Variants in ELSPBP1 observed in about 807,000 individuals in gnomAD.
The protein encoded by ELSPBP1 is epididymal sperm binding protein 1.
Under a neutral mutation model 33.3 loss-of-function variants are expected in ELSPBP1, and 38 were observed. The ratio of observed to expected loss-of-function variants is 1.14; its 90% CI spans 0.88 to 1.50. ELSPBP1 has a LOEUF of 1.50. Among genes scored for constraint, ELSPBP1 ranks in the 40% most tolerant of loss-of-function variants. ELSPBP1 has a pLI of 0.00. For synonymous variants in ELSPBP1, 85 were observed against 94.1 expected, an observed-to-expected ratio of 0.90 and a Z score of 0.56; for missense variants, 267 against 263.5, an observed-to-expected ratio of 1.01 and a Z score of -0.09.
At chr19:48,002,662 C>T (rs11665714) in intron 1 of ELSPBP1, among the ~76,000 whole-genome samples, 30,083 of 152,110 alleles carry the variant, frequency 0.2, 3,256 homozygotes, top group Middle Eastern at 0.24. Context: ...CGTGATGGCT[C>T]GTGCCTGTAA....
At chr19:48,002,455 G>A (rs1203993882) in intron 1 of ELSPBP1, among the ~76,000 whole-genome samples, 1 of 152,130 alleles carries the variant, frequency 6.6e-6, no homozygotes, top group East Asian at 1.9e-4. Flanking sequence ...AGAGGAGGTG[G>A]CAAAATTTGT....
At chr19:48,023,863 C>A (rs528953940) in intron 6 of ELSPBP1, among the ~76,000 whole-genome samples, 4 of 147,076 alleles carry the variant, frequency 2.7e-5, no homozygotes, top group Admixed American at 6.8e-5. Context: ...TTTTCTTTTT[C>A]TTTATTTTAT....
In ELSPBP1 at chr19:48,014,194, C is replaced by T; in HGVS notation, c.94C>T (p.Pro32Ser). The T allele has an allele frequency of 6.2e-7, 1 of 1,613,846 alleles. No homozygotes were observed. Among genetic ancestry groups the T allele is most frequent in the African/African-American group, 1.3e-5 (1 of 75,012 alleles). Reference protein sequence around the residue: ...SGGMHEECVFPFTYKGSVYFT... With the variant: ...SGGMHEECVFSFTYKGSVYFT... ...AGGGATGCATGAGGAATGTGTCTTTCCTTTCACCTACAAGGGATCTGTTTA... is the reference window on the plus strand; with the variant it reads ...AGGGATGCATGAGGAATGTGTCTTTTCTTTCACCTACAAGGGATCTGTTTA... Residue 32 changes from proline to serine, a missense_variant, in exon 3 of 7, where the codon CCT (proline) becomes TCT (serine). Transcript: ENST00000339841.
In ELSPBP1 at chr19:48,013,024, A is replaced by G. The variant is rs935068675; in HGVS notation, c.71-1147A>G. Reference sequence around the variant, plus strand: ...TTGTTAAAATGGGAGATTATTAAGTATTAGAGATGCAGTAGAGAAATACTA... The same window carrying G: ...TTGTTAAAATGGGAGATTATTAAGTGTTAGAGATGCAGTAGAGAAATACTA... On this transcript the variant is annotated intron_variant, in intron 2 of 6. Transcript: ENST00000339841. Among the ~76,000 whole-genome samples the G allele has an allele frequency of 2.6e-5, 4 of 152,076 alleles. No homozygotes were observed. In the East Asian group the frequency reaches 7.7e-4, roughly 29 times the overall value.
chr19:48,008,070 A>G (rs1260018941), intron 1 of ELSPBP1, among the ~76,000 whole-genome samples: 1 of 152,160 alleles, frequency 6.6e-6, no homozygotes, highest in Non-Finnish European at 1.5e-5. Flanking sequence ...AGCATCATAG[A>G]GTGTACTCAC....
intron 4 of ELSPBP1, among the ~76,000 whole-genome samples, chr19:48,016,568 C>CTTCCTTCT (rs1568407572): frequency 2.0e-5 from 1 of 50,602 alleles, no homozygotes; most frequent in Non-Finnish European, 4.4e-5. Context: ...TCCTTCCTTC[C>CTTCCTTCT]TCCCTTCATC....
chr19:48,016,869 G>T (rs371935306), intron 4 of ELSPBP1, among the ~76,000 whole-genome samples: 2 of 152,218 alleles, frequency 1.3e-5, no homozygotes, highest in African/African-American at 4.8e-5. Flanking sequence ...AAAATGCTAG[G>T]ATTACAGGCA....
chr19:48,019,223 G>A (rs73567214), intron 4 of ELSPBP1, among the ~76,000 whole-genome samples: 14,237 of 152,104 alleles, frequency 0.094, 830 homozygotes, highest in African/African-American at 0.17. Flanking sequence ...TTGGAGTCTC[G>A]TCTAAGGTGG....
Position 48,016,920 on chromosome 19 carries a change from C to G in ELSPBP1, c.355+881C>G, listed in dbSNP as rs895086184. Among the ~76,000 whole-genome samples, 28 of 152,108 alleles carry G rather than the reference C, an allele frequency of 1.8e-4. 1 individual carries two copies. The highest frequency in any genetic ancestry group is 1.6e-3 in the Admixed American group (25 of 15,264). On this transcript the variant is annotated intron_variant, in intron 4 of 6. Transcript: ENST00000339841. ...GGCCCTGACCTGCATTTCAATGCAGCCTAACATCATATTAAGTCTACACAT... is the reference window on the plus strand; with the variant it reads ...GGCCCTGACCTGCATTTCAATGCAGGCTAACATCATATTAAGTCTACACAT...
At chr19:48,000,215 G>GC (rs1449588823) in intron 1 of ELSPBP1, among the ~76,000 whole-genome samples, 21 of 45,528 alleles carry the variant, frequency 4.6e-4, no homozygotes, top group East Asian at 2.4e-3. Context: ...CACCCCGGCC[G>GC]CCCCCCAAAA....
chr19:47,995,546 C>T (rs117827777), intron 1 of ELSPBP1, among the ~76,000 whole-genome samples: 321 of 152,232 alleles, frequency 2.1e-3, no homozygotes, highest in Non-Finnish European at 3.1e-3. Context: ...GTTGCTTCTC[C>T]CTCCAAAGGC....
chr19:48,012,633 A>C lies in ELSPBP1; in HGVS notation c.71-1538A>C, dbSNP rs573499458. On this transcript the variant is annotated intron_variant, in intron 2 of 6. Transcript: ENST00000339841. Reference sequence around the variant, plus strand: ...ATTGTTTCTGTTGTTTCTTGAGCAAATAATTATTCTAGGTTCTGTAGATAC... The same window carrying C: ...ATTGTTTCTGTTGTTTCTTGAGCAACTAATTATTCTAGGTTCTGTAGATAC... Among the ~76,000 whole-genome samples, 27 of 152,236 alleles carry C rather than the reference A, an allele frequency of 1.8e-4. No individual in the cohort carries two copies. In the South Asian group the frequency reaches 5.4e-3, roughly 30 times the overall value.
chr19:48,008,376 G>A (rs1016754800), intron 1 of ELSPBP1, among the ~76,000 whole-genome samples: 2 of 152,092 alleles, frequency 1.3e-5, no homozygotes, highest in Non-Finnish European at 2.9e-5. Flanking sequence ...GGGACCACAG[G>A]CATACACCAC....
chr19:47,999,220 A>C lies in ELSPBP1; in HGVS notation c.-18+4409A>C, dbSNP rs112428236. On this transcript the variant is annotated intron_variant, in intron 1 of 6. Coordinates refer to ENST00000339841, the MANE Select transcript of ELSPBP1 (RefSeq NM_022142.5). The stretch of plus-strand genomic sequence containing the variant: ...TTTTCATTGCACTTTTCATATTCTG[A>C]AATGATTTTGGTTTTGGTTACTGTG... Among the ~76,000 whole-genome samples, 22 of 152,168 alleles carry C rather than the reference A, an allele frequency of 1.4e-4. 1 individual carries two copies. The highest frequency in any genetic ancestry group is 5.3e-4 in the African/African-American group (22 of 41,504).
intron 1 of ELSPBP1, among the ~76,000 whole-genome samples, chr19:48,002,108 G>A (rs900090841): frequency 5.3e-5 from 8 of 152,092 alleles, no homozygotes; most frequent in African/African-American, 1.7e-4. Flanking sequence ...GTCTATGAAC[G>A]ACACTAACAT....
chr19:48,020,300 G>A (rs949610946), intron 5 of ELSPBP1, among the ~76,000 whole-genome samples: 1 of 152,168 alleles, frequency 6.6e-6, no homozygotes, highest in African/African-American at 2.4e-5. Context: ...CTGGGTGACA[G>A]AGTGAGACCT....
At chr19:48,020,054 C>T (rs1967183461) in intron 5 of ELSPBP1, among the ~76,000 whole-genome samples, 177 bp downstream of exon 5, 1 of 152,198 alleles carries the variant, frequency 6.6e-6, no homozygotes, top group Admixed American at 6.5e-5. Context: ...TGATATGCCA[C>T]AGGCTTTAAA....
chr19:48,021,356 G>A (rs1967197515), intron 5 of ELSPBP1, among the ~76,000 whole-genome samples: 1 of 150,760 alleles, frequency 6.6e-6, no homozygotes, highest in South Asian at 2.1e-4. Flanking sequence ...ATTCTGAGCA[G>A]TGCCCAGGCA....
rs1967071781 is a variant in ELSPBP1, at chr19:48,011,130, T to C, written c.70+2393T>C. Reference sequence around the variant, plus strand: ...ACAATGATGATGGTGACAGTGATGATGATGACGATGATGATAATGATTATG... The same window carrying C: ...ACAATGATGATGGTGACAGTGATGACGATGACGATGATGATAATGATTATG... On this transcript the variant is annotated intron_variant, in intron 2 of 6. Transcript: ENST00000339841. The surrounding 1 kb of genome is among the most constrained non-coding windows in gnomAD (Gnocchi z 4.5). Among the ~76,000 whole-genome samples, 2 of 151,986 alleles carry C rather than the reference T, an allele frequency of 1.3e-5. No homozygotes were observed. The highest frequency in any genetic ancestry group is 4.8e-5 in the African/African-American group (2 of 41,340).
Sources: gnomAD v4.1 joint callset for allele counts (sites outside exome capture counted in the v4.1 genomes callset) on GRCh38, gnomAD v4.1.1 for gene constraint, Gnocchi (gnomAD v3.1) non-coding constraint, MANE v1.5 for transcripts, NCBI Gene and HGNC (gene_info 2026-07-23, HGNC 2026-07-21) for gene names.